Variants in MORC1 observed in about 807,000 individuals in gnomAD.
MORC1 encodes the protein MORC family CW-type zinc finger protein 1.
MORC1 carries 59 observed loss-of-function variants against 134.9 expected under a neutral mutation model. The ratio of observed to expected loss-of-function variants is 0.44; its 90% confidence interval spans 0.35 to 0.54. MORC1 has a LOEUF of 0.54. Ranked by LOEUF, MORC1 falls within the 20% of genes least tolerant of loss-of-function variation. MORC1 has a pLI of 0.00. For synonymous variants in MORC1, 395 were observed against 391.7 expected (o/e 1.01, Z -0.10); for missense variants, 947 against 1,134.5 (o/e 0.83, Z 2.37).
chr3:109,005,954 A>G (rs1000457679), intron 18 of MORC1, among the ~76,000 whole-genome samples: 1 of 152,138 alleles, frequency 6.6e-6, no homozygotes, highest in Non-Finnish European at 1.5e-5. Flanking sequence ...CTTCACATAA[A>G]CCACCAACAT....
chr3:109,040,829 C>CAAAAAAAAAAAAA (rs59122147), intron 14 of MORC1, among the ~76,000 whole-genome samples: 4 of 108,604 alleles, frequency 3.7e-5, no homozygotes, highest in African/African-American at 1.3e-4. Context: ...AACTCTGTGT[C>CAAAAAAAAAAAAA]AAAAAAAAAA....
chr3:108,961,539 G>T (rs1465309196), intron 27 of MORC1, among the ~76,000 whole-genome samples: 1 of 152,106 alleles, frequency 6.6e-6, no homozygotes, highest in East Asian at 1.9e-4. Flanking sequence ...TATCTGCTCT[G>T]GGTCCCTCAT....
intron 23 of MORC1, among the ~76,000 whole-genome samples, chr3:108,984,355 C>T (rs1472088559): frequency 3.3e-5 from 5 of 151,702 alleles, no homozygotes; most frequent in African/African-American, 1.2e-4. Flanking sequence ...GTATGTATGA[C>T]AATAAGATAA....
chr3:109,103,764 G>T, intron 4 of MORC1, 85 bp downstream of exon 4: 2 of 1,265,142 alleles, frequency 1.6e-6, no homozygotes, highest in East Asian at 2.3e-5. Context: ...ACCTGTTTTT[G>T]CATAGATAGC....
chr3:109,006,840 T>C (rs1576624529), intron 18 of MORC1, among the ~76,000 whole-genome samples, 189 bp downstream of exon 18: 3 of 152,228 alleles, frequency 2.0e-5, no homozygotes, highest in Non-Finnish European at 4.4e-5. Context: ...ATTTTATTTA[T>C]ATTTTACTTT....
At chr3:108,985,626 T>G (rs1947875495) in intron 22 of MORC1, among the ~76,000 whole-genome samples, 1 of 152,214 alleles carries the variant, frequency 6.6e-6, no homozygotes. Context: ...ACTCACTGAC[T>G]TGCAATGCAA....
intron 8 of MORC1, among the ~76,000 whole-genome samples, chr3:109,092,591 C>T (rs1360048643): frequency 6.6e-6 from 1 of 152,028 alleles, no homozygotes; most frequent in Non-Finnish European, 1.5e-5. Flanking sequence ...AAAATATCAT[C>T]AATATTTTTC....
chr3:109,047,393 C>T (rs1156980773), intron 14 of MORC1, among the ~76,000 whole-genome samples: 1 of 151,936 alleles, frequency 6.6e-6, no homozygotes, highest in Non-Finnish European at 1.5e-5. Flanking sequence ...CTGAGATCCT[C>T]GGAGATATTT....
chr3:109,084,382 C>A (rs1325030928), intron 8 of MORC1, among the ~76,000 whole-genome samples: 3 of 151,952 alleles, frequency 2.0e-5, no homozygotes, highest in African/African-American at 7.2e-5. Flanking sequence ...AAAAAGAAAT[C>A]AAGAAAGCAA....
At chr3:109,038,288 T>A (rs964677724) in intron 14 of MORC1, among the ~76,000 whole-genome samples, 1 of 16,274 alleles carries the variant, frequency 6.1e-5, no homozygotes, top group Non-Finnish European at 5.0e-4. Context: ...GTTGATGGGG[T>A]TTTTTTTTTT....
At position 109,034,655 on chromosome 3, in the gene MORC1, T is replaced by A. The variant is rs572003221; in HGVS notation, c.1459+685A>T. 2.6e-5 allele frequency among the ~76,000 whole-genome samples: 4 copies of A among 152,286 alleles called. No homozygotes were observed. The South Asian group carries it at 8.3e-4, about 32-fold the overall frequency. The stretch of plus-strand genomic sequence containing the variant: ...AAAATAGAAAGATGGCTCTTTCTAT[T>A]ACTATTTCACAAACATTTTAGCTGA... On this transcript the variant is annotated intron_variant, in intron 15 of 27. Transcript: ENST00000232603.
At chr3:109,040,427 G>GGAAAGAAAGAAAGAAAGAAA (rs1214249386) in intron 14 of MORC1, among the ~76,000 whole-genome samples, 3 of 48,398 alleles carry the variant, frequency 6.2e-5, no homozygotes, top group African/African-American at 2.0e-4. Flanking sequence ...AAGGAAGGAA[G>GGAAAGAAAGAAAGAAAGAAA]GAAAGAAAGA....
intron 21 of MORC1, among the ~76,000 whole-genome samples, chr3:108,993,270 T>G (rs891344422): frequency 6.6e-6 from 1 of 152,244 alleles, no homozygotes; most frequent in Non-Finnish European, 1.5e-5. Context: ...TTCAATAAAT[T>G]TGTTTTGATT....
intron 21 of MORC1, among the ~76,000 whole-genome samples, chr3:108,999,956 C>T (rs927327769): frequency 5.3e-5 from 8 of 151,990 alleles, no homozygotes; most frequent in Non-Finnish European, 8.8e-5. Flanking sequence ...TATAGTCAGT[C>T]CTTGAATCAT....
At chr3:108,999,027 A>G (rs1438271460) in intron 21 of MORC1, among the ~76,000 whole-genome samples, 2 of 152,248 alleles carry the variant, frequency 1.3e-5, no homozygotes, top group Non-Finnish European at 2.9e-5. Context: ...CTGAAAAGCA[A>G]GTGGTGAACA....
At chr3:109,040,567 T>C (rs13093981) in intron 14 of MORC1, among the ~76,000 whole-genome samples, 19,485 of 151,666 alleles carry the variant, frequency 0.13, 1,358 homozygotes, top group Non-Finnish European at 0.15. Context: ...CAGTGGCTCA[T>C]GCCTGTAATC....
intron 23 of MORC1, among the ~76,000 whole-genome samples, chr3:108,982,963 A>G (rs1381407442): frequency 6.6e-6 from 1 of 151,996 alleles, no homozygotes; most frequent in Non-Finnish European, 1.5e-5. Context: ...CAAAAAAAAA[A>G]AGATTGTTTT....
chr3:109,070,000 T>C (rs911692802), intron 8 of MORC1, among the ~76,000 whole-genome samples: 2 of 152,218 alleles, frequency 1.3e-5, no homozygotes, highest in Admixed American at 6.5e-5. Flanking sequence ...GAACTTTTGT[T>C]GGCAACCAAC....
chr3:109,015,163 C>T (rs1044599705), intron 17 of MORC1, among the ~76,000 whole-genome samples: 4 of 152,162 alleles, frequency 2.6e-5, no homozygotes, highest in East Asian at 3.9e-4. Flanking sequence ...GGATTACAGG[C>T]GGGAGCCACC....
Sources: allele counts gnomAD v4.1 joint callset (sites outside exome capture counted in the v4.1 genomes callset), GRCh38; gene constraint gnomAD v4.1.1; transcripts MANE v1.5; gene names NCBI Gene and HGNC (gene_info 2026-07-23, HGNC 2026-07-21).